SUZ12: variants seen among roughly 807,000 people sequenced by gnomAD.
SUZ12 encodes the protein polycomb protein SUZ12.
In SUZ12, 17 loss-of-function variants were observed where a neutral mutation model predicts 87.3. The ratio of observed to expected loss-of-function variants is 0.19; its 90% CI spans 0.13 to 0.29. The LOEUF is 0.29. SUZ12 is among the 10% of genes least tolerant of loss of function. The probability of loss-of-function intolerance (pLI) is 1.00; values close to 1 mark genes in which losing one functional copy is unlikely to be tolerated. For synonymous variants in SUZ12, 253 were observed against 312.4 expected, an observed-to-expected ratio of 0.81 and a Z score of 2.01; for missense variants, 526 against 912.2, an observed-to-expected ratio of 0.58 and a Z score of 5.45.
At chr17:31,954,654 T>C (rs1182224819) in intron 4 of SUZ12, among the ~76,000 whole-genome samples, 1 of 150,228 alleles carries the variant, frequency 6.7e-6, no homozygotes, top group East Asian at 1.9e-4. Context: ...AAGAAAACTG[T>C]GAGTGTATAA....
intron 13 of SUZ12, among the ~76,000 whole-genome samples, 190 bp from the exon 14 acceptor site, chr17:31,995,374 G>T (rs948400044): frequency 1.3e-5 from 2 of 152,154 alleles, no homozygotes; most frequent in African/African-American, 4.8e-5. Flanking sequence ...GAATTAATAT[G>T]TAATAGGTTT....
chr17:31,986,043 A>G (rs1331448681), intron 9 of SUZ12, among the ~76,000 whole-genome samples: 6 of 151,924 alleles, frequency 3.9e-5, no homozygotes, highest in Non-Finnish European at 7.4e-5. Flanking sequence ...GTCTCAGTTC[A>G]CTGCAACCTC....
At chr17:31,976,723 A>G (rs1908774762) in intron 8 of SUZ12, 109 bp downstream of exon 8, 11 of 848,290 alleles carry the variant, frequency 1.3e-5, no homozygotes, top group Non-Finnish European at 1.7e-5. Context: ...GTTTCTTTTT[A>G]TTCTTACGGA....
At chr17:31,957,658 G>A (rs1181153071) in intron 4 of SUZ12, among the ~76,000 whole-genome samples, 4 of 151,762 alleles carry the variant, frequency 2.6e-5, no homozygotes, top group African/African-American at 9.7e-5. Flanking sequence ...TGATCTGCTC[G>A]CCTCAGCCTC....
At position 31,978,966 on chromosome 17, in the gene SUZ12, C is replaced by T. The variant is rs867642982; in HGVS notation, c.917+2352C>T. 7.2e-3 allele frequency among the ~76,000 whole-genome samples: 1,088 copies of T among 151,832 alleles called. 10 individuals carry two copies. Among genetic ancestry groups the T allele is most frequent in the African/African-American group, 0.025 (1,030 of 41,386 alleles). On this transcript the variant is annotated intron_variant, in intron 8 of 15. Transcript: ENST00000322652. ...ACTAAAAATACAAAAATTAGCTGGGCCTGGTGGTGCGTGCCTGTAGTCCCA... is the reference window on the plus strand; with the variant it reads ...ACTAAAAATACAAAAATTAGCTGGGTCTGGTGGTGCGTGCCTGTAGTCCCA...
In SUZ12 at chr17:31,995,821, G is replaced by C. The variant is rs150662914; in HGVS notation, c.1794+59G>C. The C allele has an allele frequency of 1.3e-5, 17 of 1,315,286 alleles. No individual in the cohort carries two copies. The African/African-American group carries it at 2.1e-4, about 16-fold the overall frequency. 81.5% of individuals were successfully genotyped at this position (1,315,286 alleles called of 1,614,324 possible). A position where few individuals can be genotyped will look rare whatever the true frequency, so the allele number is the denominator to read the frequency against. On this transcript the variant is annotated intron_variant, in intron 14 of 15. Transcript: ENST00000322652. The stretch of plus-strand genomic sequence containing the variant: ...GGAATATTATTTTGTTTTGAAAATT[G>C]CTTACTATGAACTAGACTTTTATTG...
intron 4 of SUZ12, among the ~76,000 whole-genome samples, chr17:31,960,668 C>T (rs764877817): frequency 1.3e-5 from 2 of 152,116 alleles, no homozygotes; most frequent in Non-Finnish European, 2.9e-5. Flanking sequence ...ACGTCCGCCT[C>T]CCAGGTTCAA....
intron 1 of SUZ12, among the ~76,000 whole-genome samples, 188 bp downstream of exon 1, chr17:31,937,708 T>G (rs1906025268): frequency 7.5e-6 from 1 of 133,072 alleles, no homozygotes; most frequent in Non-Finnish European, 1.6e-5. Flanking sequence ...TTGGGAGAGC[T>G]GGAAAAGAGG....
At chr17:31,964,295 G>A (rs777690587) in intron 4 of SUZ12, among the ~76,000 whole-genome samples, 23 of 151,648 alleles carry the variant, frequency 1.5e-4, no homozygotes, top group Non-Finnish European at 3.2e-4. Flanking sequence ...AAAATGCTGG[G>A]ATTACAGTTG....
rs1455972527 is a variant in SUZ12 at position 31,983,779 on chromosome 17, G to A, written c.1023+675G>A. Among the ~76,000 whole-genome samples, 4 of 152,206 alleles carry A rather than the reference G, an allele frequency of 2.6e-5. No homozygotes were observed. In the East Asian group the frequency reaches 7.7e-4, roughly 29 times the overall value. On this transcript the variant is annotated intron_variant, in intron 9 of 15. Transcript: ENST00000322652. ...CAATAAGTGCTCAATAAATGTTAAC[G>A]GCTATTTTAAATTCTATTCATTGTA...
intron 3 of SUZ12, among the ~76,000 whole-genome samples, chr17:31,943,466 A>G (rs1292992118): frequency 6.6e-6 from 1 of 152,204 alleles, no homozygotes; most frequent in Non-Finnish European, 1.5e-5. Context: ...TACAAATGAG[A>G]AATGAGAATT....
At chr17:31,953,171 T>C (rs1425156777) in intron 4 of SUZ12, among the ~76,000 whole-genome samples, 2 of 152,126 alleles carry the variant, frequency 1.3e-5, no homozygotes, top group Non-Finnish European at 2.9e-5. Flanking sequence ...AGTGGCATGA[T>C]CTTGGCTCAC....
chr17:31,986,594 C>T (rs2142201048), intron 9 of SUZ12, among the ~76,000 whole-genome samples: 1 of 151,890 alleles, frequency 6.6e-6, no homozygotes, highest in South Asian at 2.1e-4. Flanking sequence ...GCTCTGTCTC[C>T]AGGCTGGAGT....
Position 31,999,040 on chromosome 17 carries a change from T to C in SUZ12, c.*37T>C, listed in dbSNP as rs751589879. ...CCCATGTTATGGACAAACACTGAAA[T>C]TACATTTTAGGGAATTCATCCTCTA... On this transcript the variant is annotated 3_prime_UTR_variant, in exon 16 of 16. Coordinates refer to ENST00000322652, the MANE Select transcript of SUZ12 (RefSeq NM_015355.4). 8 of 1,464,414 alleles carry C rather than the reference T, an allele frequency of 5.5e-6. No individual in the cohort carries two copies. The Middle Eastern group carries it at 1.1e-3, about 202-fold the overall frequency. The allele number at this position is 1,464,414 out of a possible 1,614,324, so 90.7% of individuals were successfully genotyped here.
chr17:31,992,422 C>CT (rs1342242506), intron 10 of SUZ12, among the ~76,000 whole-genome samples: 1 of 151,654 alleles, frequency 6.6e-6, no homozygotes, highest in African/African-American at 2.4e-5. Flanking sequence ...TTCTGTTTTC[C>CT]TTTTTTTGAC....
intron 9 of SUZ12, among the ~76,000 whole-genome samples, chr17:31,983,978 G>C (rs1434859153): frequency 6.6e-6 from 1 of 152,122 alleles, no homozygotes. Context: ...TTAGATCAGT[G>C]TTACCATCCA....
intron 4 of SUZ12, among the ~76,000 whole-genome samples, chr17:31,952,285 C>G (rs1279535219): frequency 6.6e-6 from 1 of 152,180 alleles, no homozygotes. Flanking sequence ...GTCTCAAACT[C>G]CTGGCCTCAA....
chr17:31,992,738 G>C (rs1301804158), intron 10 of SUZ12, among the ~76,000 whole-genome samples: 1 of 143,994 alleles, frequency 6.9e-6, no homozygotes, highest in Non-Finnish European at 1.5e-5. Flanking sequence ...ACGGAGTTTT[G>C]CTCTTGTCAT....
chr17:31,959,343 A>C (rs958200280), intron 4 of SUZ12, among the ~76,000 whole-genome samples: 40 of 152,292 alleles, frequency 2.6e-4, no homozygotes, highest in African/African-American at 8.9e-4. Flanking sequence ...GTTTTGTAGT[A>C]ATTCCTTTGT....
Sources: allele counts gnomAD v4.1 joint callset (sites outside exome capture counted in the v4.1 genomes callset), GRCh38; gene constraint gnomAD v4.1.1; transcripts MANE v1.5; gene names NCBI Gene and HGNC (gene_info 2026-07-23, HGNC 2026-07-21).